The following SLC20A2 variants were observed in gnomAD, a reference collection of about 807,000 sequenced individuals.
The protein encoded by SLC20A2 is sodium-dependent phosphate transporter 2.
Under a neutral mutation model 61.0 loss-of-function variants are expected in SLC20A2, and 30 were observed. The observed-to-expected ratio is 0.49, with a 90% CI of 0.37 to 0.67. The LOEUF is 0.67. SLC20A2 is among the 30% of genes least tolerant of loss of function. SLC20A2 has a pLI of 0.00. For missense variants in SLC20A2, 626 were observed against 866.4 expected, an observed-to-expected ratio of 0.72 and a Z score of 3.48; for synonymous variants, 351 against 353.3, an observed-to-expected ratio of 0.99 and a Z score of 0.07.
chr8:42,452,429 G>A (rs891706783), intron 5 of SLC20A2, among the ~76,000 whole-genome samples: 4 of 148,120 alleles, frequency 2.7e-5, no homozygotes, highest in African/African-American at 7.5e-5. Flanking sequence ...AAGAAGAGGA[G>A]GAAGAGATGA....
At chr8:42,427,214 T>C (rs544094056) in intron 10 of SLC20A2, among the ~76,000 whole-genome samples, 1 of 152,210 alleles carries the variant, frequency 6.6e-6, no homozygotes. Flanking sequence ...GTTACTTAAC[T>C]TTCCTCTGCC....
intron 5 of SLC20A2, among the ~76,000 whole-genome samples, chr8:42,452,282 A>AGG (rs1805787358): frequency 2.8e-5 from 4 of 145,384 alleles, no homozygotes; most frequent in Non-Finnish European, 6.0e-5. Flanking sequence ...GAAGAGATGG[A>AGG]ACAGGAAGAG....
At chr8:42,468,347 G>A (rs994154959) in intron 2 of SLC20A2, among the ~76,000 whole-genome samples, 1 of 152,204 alleles carries the variant, frequency 6.6e-6, no homozygotes, top group African/African-American at 2.4e-5. Flanking sequence ...GAGGAGGAGA[G>A]TTTGTAAAGA....
rs576380979 is a variant in SLC20A2 at position 42,426,658 on chromosome 8, G to A, written c.1794+2100C>T. On this transcript the variant is annotated intron_variant, in intron 10 of 10. Transcript: ENST00000520262. ...TGCGGTGAGCTGGGACCATGCCACC[G>A]CACTCCAGCCTGGATGAGAGTGAGA... Among the ~76,000 whole-genome samples, 96 of 152,212 alleles carry A rather than the reference G, an allele frequency of 6.3e-4. 1 individual carries two copies. The South Asian group carries it at 0.017, about 27-fold the overall frequency.
intron 10 of SLC20A2, among the ~76,000 whole-genome samples, chr8:42,427,977 T>TG (rs1376788526): frequency 3.3e-5 from 5 of 152,124 alleles, no homozygotes; most frequent in African/African-American, 9.7e-5. Context: ...TTGAGACTGG[T>TG]GAGTTTGTCT....
chr8:42,427,849 C>T (rs1277208091), intron 10 of SLC20A2, among the ~76,000 whole-genome samples: 1 of 152,132 alleles, frequency 6.6e-6, no homozygotes, highest in East Asian at 1.9e-4. Flanking sequence ...GTTTTGAGGG[C>T]TCATATATTC....
upstream of SLC20A2, among the ~76,000 whole-genome samples, chr8:42,503,721 G>A (rs967325048): frequency 6.6e-6 from 1 of 152,128 alleles, no homozygotes; most frequent in African/African-American, 2.4e-5. Flanking sequence ...CACATTTCCA[G>A]TGCTCAGTAC....
chr8:42,434,923 CGT>C (rs889398910), intron 8 of SLC20A2, among the ~76,000 whole-genome samples: 2 of 151,788 alleles, frequency 1.3e-5, no homozygotes, highest in East Asian at 1.9e-4. Flanking sequence ...AGTGTGTGTG[CGT>C]GTGTGTGTGC....
chr8:42,478,179 T>A (rs1808282490), intron 1 of SLC20A2, among the ~76,000 whole-genome samples: 1 of 151,186 alleles, frequency 6.6e-6, no homozygotes, highest in Non-Finnish European at 1.5e-5. Context: ...CCACCATCCC[T>A]GGCCAATTGG....
In SLC20A2 at chr8:42,437,761, G is replaced by A. The variant is rs994541616; in HGVS notation, c.935-184C>T. 1.3e-5 allele frequency among the ~76,000 whole-genome samples: 2 copies of A among 151,716 alleles called. No individual in the cohort carries two copies. Among genetic ancestry groups the A allele is most frequent in the African/African-American group, 4.8e-5 (2 of 41,310 alleles). ...CTCCTGAGTAGCTGGGACTACAAGC[G>A]CGACACCATGCCCAGCTAACTTTTT... On this transcript the variant is annotated intron_variant, in intron 7 of 10. Transcript: ENST00000520262. The surrounding 1 kb of genome is among the most constrained non-coding windows in gnomAD (Gnocchi z 6.4).
At chr8:42,485,533 T>C (rs976346821) in intron 1 of SLC20A2, among the ~76,000 whole-genome samples, 1 of 145,118 alleles carries the variant, frequency 6.9e-6, no homozygotes, top group Non-Finnish European at 1.5e-5. Flanking sequence ...TCCCAGCTAC[T>C]CAGAAGGCTG....
At chr8:42,458,683 C>A (rs577399879) in intron 5 of SLC20A2, among the ~76,000 whole-genome samples, 3 of 148,886 alleles carry the variant, frequency 2.0e-5, no homozygotes, top group Non-Finnish European at 3.0e-5. Flanking sequence ...CAAGGTGGGG[C>A]GGATCATGAG....
chr8:42,532,087 A>AC (rs1812368512), intron 1 of SLC20A2, among the ~76,000 whole-genome samples: 1 of 151,610 alleles, frequency 6.6e-6, no homozygotes, highest in Non-Finnish European at 1.5e-5. Context: ...TCAGCCTCCC[A>AC]AAGTGCTGGT....
intron 1 of SLC20A2, among the ~76,000 whole-genome samples, chr8:42,511,942 A>G (rs1490409857): frequency 6.6e-6 from 1 of 152,168 alleles, no homozygotes; most frequent in African/African-American, 2.4e-5. Context: ...GAACTATAAT[A>G]GCCCAATAAT....
intron 2 of SLC20A2, chr8:42,471,089 A>G (rs1807601996): frequency 8.9e-6 from 4 of 449,536 alleles, no homozygotes; most frequent in Non-Finnish European, 1.8e-5. Context: ...GACTCTTCCT[A>G]CAAGAGGATA....
intron 1 of SLC20A2, among the ~76,000 whole-genome samples, chr8:42,495,910 C>T (rs865985108): frequency 1.1e-4 from 16 of 152,106 alleles, no homozygotes; most frequent in South Asian, 6.2e-4. Flanking sequence ...CCACCACGCC[C>T]GGCTAATTTT....
chr8:42,493,810 C>T (rs6988493), intron 1 of SLC20A2, among the ~76,000 whole-genome samples: 59,373 of 151,708 alleles, frequency 0.39, 11,741 homozygotes, highest in East Asian at 0.43. Flanking sequence ...AGCCATGATC[C>T]CAAGTCTCTG....
At chr8:42,494,510 G>A (rs1809767960) in intron 1 of SLC20A2, among the ~76,000 whole-genome samples, 1 of 152,136 alleles carries the variant, frequency 6.6e-6, no homozygotes, top group South Asian at 2.1e-4. Flanking sequence ...CATAATAAAT[G>A]CAGCATTCTT....
chr8:42,540,309 C>A (rs1338934387), intron 1 of SLC20A2, among the ~76,000 whole-genome samples: 5 of 152,116 alleles, frequency 3.3e-5, no homozygotes, highest in Non-Finnish European at 7.4e-5. Flanking sequence ...AAAACAATAA[C>A]AATAATGTAC....
Sources: gnomAD v4.1 joint callset for allele counts (sites outside exome capture counted in the v4.1 genomes callset) on GRCh38, gnomAD v4.1.1 for gene constraint, Gnocchi (gnomAD v3.1) non-coding constraint, MANE v1.5 for transcripts, NCBI Gene and HGNC (gene_info 2026-07-23, HGNC 2026-07-21) for gene names.